NME9: variants seen among roughly 807,000 people sequenced by gnomAD.
NME9 encodes thioredoxin domain-containing protein 6.
Under a neutral mutation model 44.4 loss-of-function variants are expected in NME9, and 48 were observed. The ratio of observed to expected loss-of-function variants is 1.08; its 90% CI spans 0.86 to 1.37. The LOEUF is 1.37. NME9 is among the 40% of genes most tolerant of loss of function. The pLI is 0.00. For synonymous variants in NME9, 139 were observed against 147.1 expected, an observed-to-expected ratio of 0.94 and a Z score of 0.40; for missense variants, 325 against 405.2, an observed-to-expected ratio of 0.80 and a Z score of 1.70.
At chr3:138,291,446 G>C (rs549791950) in intron 8 of NME9, among the ~76,000 whole-genome samples, 6 of 152,298 alleles carry the variant, frequency 3.9e-5, no homozygotes, top group Middle Eastern at 3.4e-3. Context: ...TCATTCATCA[G>C]ATATCTCTTT....
chr3:138,281,057 A>G (rs1285161037), intron 8 of NME9, among the ~76,000 whole-genome samples: 5 of 152,228 alleles, frequency 3.3e-5, no homozygotes, highest in South Asian at 2.1e-4. Flanking sequence ...TATAGACAAT[A>G]CATAAGCAAG....
At chr3:138,322,833 C>T (rs1217932700) in intron 2 of NME9, among the ~76,000 whole-genome samples, 2 of 152,116 alleles carry the variant, frequency 1.3e-5, no homozygotes, top group Admixed American at 1.3e-4. Context: ...ACATAGGGTG[C>T]TTAGCAAGGT....
chr3:138,306,615 C>A, intron 6 of NME9, 135 bp from the exon 7 acceptor site: 1 of 611,788 alleles, frequency 1.6e-6, no homozygotes, highest in South Asian at 2.0e-5. Flanking sequence ...TCAGAGTTCC[C>A]TTCCCTGGCC....
In NME9 at chr3:138,301,194, TC is replaced by T; in HGVS notation, c.*445del. Reference sequence around the variant, plus strand: ...GCAGAAAAGTATATACTATTCTCTTTCTTTACTTTTTTTTTTATTATTATTA... The same window carrying T: ...GCAGAAAAGTATATACTATTCTCTTTTTTACTTTTTTTTTTATTATTATTA... On this transcript the variant is annotated 3_prime_UTR_variant, in exon 11 of 11. Transcript: ENST00000333911. 3 of 839,390 alleles carry T rather than the reference TC, an allele frequency of 3.6e-6. No individual in the cohort carries two copies. The highest frequency in any genetic ancestry group is 4.3e-6 in the Non-Finnish European group (3 of 697,048). 52.0% of individuals were successfully genotyped at this position (839,390 alleles called of 1,614,324 possible). A position where few individuals can be genotyped will look rare whatever the true frequency, so the allele number is the denominator to read the frequency against.
chr3:138,307,566 T>C (rs1375925050), intron 6 of NME9, among the ~76,000 whole-genome samples: 2 of 152,240 alleles, frequency 1.3e-5, no homozygotes, highest in Non-Finnish European at 1.5e-5. Flanking sequence ...AACAAATCTG[T>C]TATTTCTTTC....
intron 8 of NME9, among the ~76,000 whole-genome samples, chr3:138,277,383 AAAG>A (rs757891247): frequency 3.3e-5 from 5 of 152,240 alleles, no homozygotes; most frequent in Non-Finnish European, 7.3e-5. Flanking sequence ...AACATTCAGA[AAAG>A]AAGAAGGTAA....
chr3:138,295,542 A>G (rs867935490), intron 8 of NME9, among the ~76,000 whole-genome samples: 12 of 152,242 alleles, frequency 7.9e-5, no homozygotes, highest in South Asian at 6.2e-4. Context: ...TATCACAACT[A>G]TATGCCAGTG....
Position 138,306,078 on chromosome 3 carries a change from C to A in NME9, c.562G>T (p.Glu188Ter), listed in dbSNP as rs1227344627. 1.2e-6 allele frequency: 2 copies of A among 1,611,812 alleles called. No homozygotes were observed. Among genetic ancestry groups the A allele is most frequent in the African/African-American group, 2.7e-5 (2 of 74,992 alleles). The change falls in exon 8 of 11, where the codon GAA (glutamate) becomes TAA (stop). Residue 188 changes from glutamate to a stop codon, truncating the protein, a stop_gained. Coordinates refer to ENST00000333911, the MANE Select transcript of NME9 (RefSeq NM_001349018.2). LOFTEE classifies it high-confidence loss of function. ...IIMKIQEAGFEILTNEERTMT... is the reference protein window; with the variant it reads ...IIMKIQEAGF ...GTTCTCTCTTCATTTGTTAGAATTTCAAACCCAGCTTCCTGAATCTGTAGA... is the reference window on the plus strand; with the variant it reads ...GTTCTCTCTTCATTTGTTAGAATTTAAAACCCAGCTTCCTGAATCTGTAGA...
intron 2 of NME9, chr3:138,324,472 G>A (rs1560135140): frequency 2.2e-6 from 1 of 460,880 alleles, no homozygotes; most frequent in South Asian, 1.5e-5. Context: ...CCCATAGACA[G>A]TGGCCTGCTG....
At chr3:138,287,321 G>A (rs2050529866) in intron 8 of NME9, among the ~76,000 whole-genome samples, 1 of 152,036 alleles carries the variant, frequency 6.6e-6, no homozygotes, top group African/African-American at 2.4e-5. Context: ...TTTTTCTCCT[G>A]CTTGGAATTT....
intron 1 of NME9, among the ~76,000 whole-genome samples, chr3:138,328,713 CA>C (rs2053946190): frequency 6.6e-6 from 1 of 152,124 alleles, no homozygotes; most frequent in Admixed American, 6.5e-5. Flanking sequence ...TGTCCAGGAC[CA>C]AGAAGAAGAG....
At chr3:138,262,710 C>A (rs1430202698) in intron 8 of NME9, 4 of 1,000,188 alleles carry the variant, frequency 4.0e-6, no homozygotes, top group Non-Finnish European at 5.4e-6. Context: ...CCAGGTAATT[C>A]TTCTGCAAGG....
At chr3:138,263,758 T>C (rs2047986913) in intron 8 of NME9, 10 of 1,614,020 alleles carry the variant, frequency 6.2e-6, no homozygotes, top group Non-Finnish European at 8.5e-6. Flanking sequence ...ACTGAAAATA[T>C]GATGGACCGA....
At chr3:138,303,713 A>G (rs550570071) in intron 9 of NME9, 70 bp from the exon 10 acceptor site, 1 of 1,452,920 alleles carries the variant, frequency 6.9e-7, no homozygotes. Flanking sequence ...CTTTCTGGCA[A>G]CATGATCACC....
chr3:138,290,689 C>G (rs756515622), intron 8 of NME9: 1 of 1,264,842 alleles, frequency 7.9e-7, no homozygotes, highest in Non-Finnish European at 1.1e-6. Flanking sequence ...TGGATTCTTT[C>G]GTGAAAGGGT....
At chr3:138,264,465 G>T (rs2048068957) in intron 8 of NME9, among the ~76,000 whole-genome samples, 1 of 122,966 alleles carries the variant, frequency 8.1e-6, no homozygotes, top group South Asian at 2.8e-4. Flanking sequence ...TGTCACCCAG[G>T]CTGGAGTGCA....
intron 8 of NME9, among the ~76,000 whole-genome samples, chr3:138,282,945 T>G (rs1398968693): frequency 6.6e-6 from 1 of 152,210 alleles, no homozygotes; most frequent in Non-Finnish European, 1.5e-5. Flanking sequence ...AGTTTCACCA[T>G]GTACCAGTGC....
intron 8 of NME9, among the ~76,000 whole-genome samples, chr3:138,283,213 T>G (rs1433927832): frequency 6.6e-6 from 1 of 152,200 alleles, no homozygotes; most frequent in Non-Finnish European, 1.5e-5. Context: ...CTAGGAGAAA[T>G]AAAACCACAC....
chr3:138,263,490 A>G, intron 8 of NME9: 2 of 504,512 alleles, frequency 4.0e-6, no homozygotes, highest in Non-Finnish European at 7.2e-6. Flanking sequence ...TTTGTGTTAA[A>G]TGTCTTTAAA....
Sources: allele counts gnomAD v4.1 joint callset (sites outside exome capture counted in the v4.1 genomes callset), GRCh38; gene constraint gnomAD v4.1.1; transcripts MANE v1.5; gene names NCBI Gene and HGNC (gene_info 2026-07-23, HGNC 2026-07-21).